Variants in MECOM observed in about 807,000 individuals in gnomAD.
MECOM encodes MDS1 and EVI1 complex locus.
A neutral mutation model predicts 116.3 loss-of-function variants in MECOM; 13 were observed. The observed-to-expected ratio is 0.11, with a 90% CI of 0.07 to 0.18. The LOEUF is 0.18. MECOM is among the 10% of genes least tolerant of loss of function. The pLI, the probability that MECOM is intolerant of heterozygous loss-of-function variation, is 1.00. For missense variants in MECOM, 1,299 were observed against 1,509.0 expected (o/e 0.86, Z 2.31); for synonymous variants, 528 against 535.2 (o/e 0.99, Z 0.19).
chr3:169,413,553 G>C (rs930488322), intron 1 of MECOM, among the ~76,000 whole-genome samples: 2 of 150,070 alleles, frequency 1.3e-5, no homozygotes, highest in Non-Finnish European at 1.5e-5. Flanking sequence ...ACACTACCCT[G>C]CAAAGGGGGC....
intron 1 of MECOM, among the ~76,000 whole-genome samples, chr3:169,520,243 C>T (rs1757190547): frequency 6.6e-6 from 1 of 152,230 alleles, no homozygotes; most frequent in Non-Finnish European, 1.5e-5. Context: ...CTGAAACTCC[C>T]AGTTACTTCT....
At chr3:169,538,925 A>G (rs1759722790) in intron 1 of MECOM, among the ~76,000 whole-genome samples, 1 of 152,142 alleles carries the variant, frequency 6.6e-6, no homozygotes. Flanking sequence ...CCTCCTTTGA[A>G]AGTCCTATAT....
At chr3:169,193,458 A>G (rs79992984) in intron 2 of MECOM, among the ~76,000 whole-genome samples, 4 of 151,382 alleles carry the variant, frequency 2.6e-5, no homozygotes, top group African/African-American at 9.7e-5. Flanking sequence ...TGATCTTTGG[A>G]TTTTTTTTTC....
chr3:169,382,863 AAT>A (rs1404388347), intron 1 of MECOM, among the ~76,000 whole-genome samples: 5 of 84,640 alleles, frequency 5.9e-5, no homozygotes, highest in East Asian at 6.0e-4. Flanking sequence ...AAAAAAAAAA[AAT>A]AAAAAAAATA....
At chr3:169,252,504 T>G (rs997629129) in intron 2 of MECOM, among the ~76,000 whole-genome samples, 1 of 150,714 alleles carries the variant, frequency 6.6e-6, no homozygotes, top group Non-Finnish European at 1.5e-5. Context: ...ATATTTTATT[T>G]TATATATAAC....
intron 2 of MECOM, among the ~76,000 whole-genome samples, chr3:169,250,262 C>T (rs376823990): frequency 6.6e-6 from 1 of 152,146 alleles, no homozygotes; most frequent in South Asian, 2.1e-4. Context: ...TCAATTGACT[C>T]TTAGTAGCAG....
At chr3:169,364,450 C>G (rs1175223884) in intron 2 of MECOM, among the ~76,000 whole-genome samples, 1 of 151,966 alleles carries the variant, frequency 6.6e-6, no homozygotes, top group African/African-American at 2.4e-5. Flanking sequence ...GCAATAAACT[C>G]TACTGGTATA....
At chr3:169,341,033 A>C (rs992406395) in intron 2 of MECOM, among the ~76,000 whole-genome samples, 63 of 152,332 alleles carry the variant, frequency 4.1e-4, no homozygotes, top group African/African-American at 1.5e-3. Flanking sequence ...TAAGTTATCA[A>C]AAATGTTTAT....
chr3:169,477,148 T>TATATATACAC (rs1400596819), intron 1 of MECOM: 2 of 42,478 alleles, frequency 4.7e-5, no homozygotes, highest in Admixed American at 2.8e-4. Context: ...TATATATATA[T>TATATATACAC]ACACACACAC....
At chr3:169,478,862 A>T (rs1291181937) in intron 1 of MECOM, among the ~76,000 whole-genome samples, 1 of 152,364 alleles carries the variant, frequency 6.6e-6, no homozygotes, top group Non-Finnish European at 1.5e-5. Context: ...CAGAGAGCAC[A>T]GATTAACCAT....
chr3:169,289,246 C>T (rs1210835758), intron 2 of MECOM, among the ~76,000 whole-genome samples: 1 of 152,146 alleles, frequency 6.6e-6, no homozygotes, highest in East Asian at 1.9e-4. Context: ...AGAAAATTAA[C>T]ACAGAGATGC....
chr3:169,663,474 GTCTCTCTCTCTCTCTCTCTCTCTCTCTC>G lies in MECOM; in HGVS notation c.-130_-103del, dbSNP rs71166260. ...CTCTCGCTCCCTCCCTCTCTCTCCTGTCTCTCTCTCTCTCTCTCTCTCTCTCTCTCTCTCTCTCTCTCTCTCTCTCTCT... is the reference window on the plus strand; with the variant it reads ...CTCTCGCTCCCTCCCTCTCTCTCCTGTCTCTCTCTCTCTCTCTCTCTCTCT... On this transcript the variant is annotated 5_prime_UTR_variant, in exon 1 of 17. Coordinates refer to ENST00000651503, the MANE Select transcript of MECOM (RefSeq NM_004991.4). 21 of 569,400 alleles carry G rather than the reference GTCTCTCTCTCTCTCTCTCTCTCTCTCTC, an allele frequency of 3.7e-5. No homozygotes were observed. The highest frequency in any genetic ancestry group is 8.5e-5 in the East Asian group (2 of 23,556). 35.3% of individuals were successfully genotyped at this position (569,400 alleles called of 1,614,324 possible). A position where few individuals can be genotyped will look rare whatever the true frequency, so the allele number is the denominator to read the frequency against.
At chr3:169,318,563 A>G (rs552539864) in intron 2 of MECOM, among the ~76,000 whole-genome samples, 2 of 152,346 alleles carry the variant, frequency 1.3e-5, no homozygotes, top group African/African-American at 4.8e-5. Flanking sequence ...CAAAACCACA[A>G]TGAGATACCA....
intron 1 of MECOM, among the ~76,000 whole-genome samples, chr3:169,635,510 A>T (rs958888053): frequency 6.6e-6 from 1 of 152,180 alleles, no homozygotes; most frequent in Non-Finnish European, 1.5e-5. Flanking sequence ...GGTTCTCCCC[A>T]TTTCCTGGAC....
intron 1 of MECOM, among the ~76,000 whole-genome samples, chr3:169,409,071 A>C (rs562216546): frequency 6.6e-6 from 1 of 152,266 alleles, no homozygotes; most frequent in South Asian, 2.1e-4. Flanking sequence ...CTAGGTTAGA[A>C]TGCCCTATTT....
At chr3:169,226,881 A>G (rs1181837104) in intron 2 of MECOM, among the ~76,000 whole-genome samples, 2 of 152,158 alleles carry the variant, frequency 1.3e-5, no homozygotes, top group Admixed American at 1.3e-4. Flanking sequence ...TTTTTTGTAT[A>G]CAGGGCAATG....
chr3:169,563,888 C>T (rs778399394), intron 1 of MECOM, among the ~76,000 whole-genome samples: 8 of 152,222 alleles, frequency 5.3e-5, no homozygotes, highest in Non-Finnish European at 7.4e-5. Flanking sequence ...GGTGCTCTTC[C>T]GGGCCTTCAG....
At chr3:169,449,299 G>T (rs1745163516) in intron 1 of MECOM, among the ~76,000 whole-genome samples, 1 of 152,178 alleles carries the variant, frequency 6.6e-6, no homozygotes, top group South Asian at 2.1e-4. Flanking sequence ...AATGCATGCT[G>T]TCATAGCAAA....
At chr3:169,517,676 C>G (rs943066539) in intron 1 of MECOM, among the ~76,000 whole-genome samples, 1 of 152,108 alleles carries the variant, frequency 6.6e-6, no homozygotes, top group African/African-American at 2.4e-5. Context: ...TAGAAGAACC[C>G]CTAAGCCAGA....
Sources: allele counts gnomAD v4.1 joint callset (sites outside exome capture counted in the v4.1 genomes callset), GRCh38; gene constraint gnomAD v4.1.1; transcripts MANE v1.5; gene names NCBI Gene and HGNC (gene_info 2026-07-23, HGNC 2026-07-21).